LINGO2: variants seen among roughly 807,000 people sequenced by gnomAD.
LINGO2 encodes leucine-rich repeat and immunoglobulin-like domain-containing nogo receptor-interacting protein 2.
Under a neutral mutation model 30.6 loss-of-function variants are expected in LINGO2, and 14 were observed. The ratio of observed to expected loss-of-function variants is 0.46; its 90% CI spans 0.30 to 0.72. The LOEUF (loss-of-function observed/expected upper bound fraction) is 0.72. Ranked by LOEUF, LINGO2 falls within the 30% of genes least tolerant of loss-of-function variation. The pLI is 0.07. For missense variants in LINGO2, 729 were observed against 751.7 expected, an observed-to-expected ratio of 0.97 and a Z score of 0.35; for synonymous variants, 317 against 288.5, an observed-to-expected ratio of 1.10 and a Z score of -1.00.
intron 1 of LINGO2, among the ~76,000 whole-genome samples, chr9:28,624,314 A>G (rs1826551292): frequency 6.6e-6 from 1 of 151,972 alleles, no homozygotes; most frequent in South Asian, 2.1e-4. Context: ...TGCATCTGTC[A>G]TGTACAGCTT....
intron 4 of LINGO2, among the ~76,000 whole-genome samples, chr9:28,201,276 T>C (rs1564038497): frequency 7.0e-6 from 1 of 142,860 alleles, no homozygotes. Context: ...CCCCTTCCTG[T>C]GTCCATGTGA....
At chr9:27,988,746 G>A (rs7023333) in intron 5 of LINGO2, among the ~76,000 whole-genome samples, 10 of 151,388 alleles carry the variant, frequency 6.6e-5, no homozygotes, top group South Asian at 4.2e-4. Context: ...ATCTGACCTC[G>A]CCCACAGACT....
intron 2 of LINGO2, among the ~76,000 whole-genome samples, chr9:28,378,043 C>A (rs1363676861): frequency 6.6e-6 from 1 of 152,184 alleles, no homozygotes; most frequent in East Asian, 1.9e-4. Flanking sequence ...AATTCTAGAT[C>A]AAATCATTTA....
the LINGO2 span, among the ~76,000 whole-genome samples, chr9:29,100,794 T>C: frequency 1.3e-5 from 2 of 152,168 alleles, no homozygotes; most frequent in Non-Finnish European, 2.9e-5. Flanking sequence ...GTGATTATTA[T>C]GTATTGCGTG....
intron 5 of LINGO2, among the ~76,000 whole-genome samples, chr9:27,969,005 G>A (rs1820230673): frequency 6.6e-6 from 1 of 151,322 alleles, no homozygotes; most frequent in African/African-American, 2.4e-5. Flanking sequence ...GAAATCATAG[G>A]GAATCACATT....
chr9:28,433,949 C>CTCTCTCTCTATATATATATATA (rs1225323260), intron 2 of LINGO2, among the ~76,000 whole-genome samples: 20 of 88,530 alleles, frequency 2.3e-4, no homozygotes, highest in African/African-American at 9.0e-4. Flanking sequence ...CTCTCTCTCT[C>CTCTCTCTCTATATATATATATA]TATATATATA....
chr9:28,564,159 C>A (rs1239081287), intron 1 of LINGO2, among the ~76,000 whole-genome samples: 1 of 152,004 alleles, frequency 6.6e-6, no homozygotes, highest in Non-Finnish European at 1.5e-5. Flanking sequence ...AGTAAAATAA[C>A]AAAATAATTA....
intron 1 of LINGO2, among the ~76,000 whole-genome samples, chr9:28,531,048 A>AATATATATAT (rs543973777): frequency 0.012 from 1,703 of 146,408 alleles, 26 homozygotes; most frequent in African/African-American, 0.039. Flanking sequence ...TATAAAAATA[A>AATATATATAT]ATATATATAT....
At chr9:28,714,172 T>TATATATATATACATAC in the LINGO2 span, among the ~76,000 whole-genome samples, 1 of 88,468 alleles carries the variant, frequency 1.1e-5, no homozygotes, top group African/African-American at 6.7e-5. Flanking sequence ...ATAATATATA[T>TATATATATATACATAC]ATATATATAT....
intron 4 of LINGO2, among the ~76,000 whole-genome samples, chr9:28,021,636 A>G (rs1180907695): frequency 6.6e-6 from 1 of 152,096 alleles, no homozygotes; most frequent in Non-Finnish European, 1.5e-5. Context: ...TCTCCTTGGA[A>G]TTTTATCAGT....
intron 3 of LINGO2, among the ~76,000 whole-genome samples, chr9:28,313,098 T>A (rs1824695812): frequency 6.6e-6 from 1 of 152,162 alleles, no homozygotes; most frequent in South Asian, 2.1e-4. Flanking sequence ...CTTTGCTGAA[T>A]AAAAGTTTAA....
the LINGO2 span, among the ~76,000 whole-genome samples, chr9:28,999,944 A>G: frequency 6.6e-5 from 10 of 151,984 alleles, no homozygotes; most frequent in Admixed American, 3.9e-4. Context: ...GCATGAAAGA[A>G]CCCCATATAC....
At chr9:28,055,017 A>G (rs531257928) in intron 4 of LINGO2, among the ~76,000 whole-genome samples, 14 of 146,792 alleles carry the variant, frequency 9.5e-5, no homozygotes, top group Non-Finnish European at 1.8e-4. Flanking sequence ...GATTAAAACA[A>G]AACGCACAAA....
intron 4 of LINGO2, among the ~76,000 whole-genome samples, chr9:28,252,843 T>C (rs1250063805): frequency 6.6e-6 from 1 of 152,076 alleles, no homozygotes. Flanking sequence ...TAATTATGCC[T>C]ATACAGTGGT....
At chr9:28,199,392 G>T (rs933517545) in intron 4 of LINGO2, among the ~76,000 whole-genome samples, 2 of 141,612 alleles carry the variant, frequency 1.4e-5, no homozygotes, top group South Asian at 2.1e-4. Context: ...AGGCTGGAGT[G>T]CAGTGGCGCG....
chr9:28,197,070 G>T (rs1207110386), intron 4 of LINGO2, among the ~76,000 whole-genome samples: 1 of 151,890 alleles, frequency 6.6e-6, no homozygotes, highest in Non-Finnish European at 1.5e-5. Flanking sequence ...CTAACACAAG[G>T]AAATGATAAA....
the LINGO2 span, among the ~76,000 whole-genome samples, chr9:29,089,894 G>C: frequency 6.6e-6 from 1 of 151,996 alleles, no homozygotes; most frequent in Non-Finnish European, 1.5e-5. Flanking sequence ...GGAATTTTCT[G>C]TTTTGTTGAC....
chr9:28,839,507 G>C, the LINGO2 span, among the ~76,000 whole-genome samples: 1 of 152,080 alleles, frequency 6.6e-6, no homozygotes, highest in African/African-American at 2.4e-5. Flanking sequence ...CCAGGAGTGG[G>C]TAGCTCCTAT....
At chr9:28,736,557 G>A in the LINGO2 span, among the ~76,000 whole-genome samples, 14 of 152,186 alleles carry the variant, frequency 9.2e-5, no homozygotes, top group African/African-American at 2.6e-4. Context: ...TTGGGAGGTC[G>A]AGGCAGGCTG....
Sources: allele counts gnomAD v4.1 joint callset (sites outside exome capture counted in the v4.1 genomes callset), GRCh38; gene constraint gnomAD v4.1.1; transcripts MANE v1.5; gene names NCBI Gene and HGNC (gene_info 2026-07-23, HGNC 2026-07-21).